The following XYLT1 variants were observed in gnomAD, a reference collection of about 807,000 sequenced individuals.
XYLT1 encodes the protein beta-D-xylosyltransferase 1.
Under a neutral mutation model 91.3 loss-of-function variants are expected in XYLT1, and 36 were observed. The observed-to-expected ratio is 0.39, with a 90% CI of 0.30 to 0.52. The LOEUF (loss-of-function observed/expected upper bound fraction) is 0.52, where lower values mean the gene tolerates loss of function less well. Ranked by LOEUF, XYLT1 falls within the 20% of genes least tolerant of loss-of-function variation. The pLI is 0.68. For synonymous variants in XYLT1, 588 were observed against 532.0 expected (o/e 1.11, Z -1.45); for missense variants, 1,242 against 1,284.5 (o/e 0.97, Z 0.51).
At chr16:17,381,102 G>T (rs1182491444) in intron 1 of XYLT1, among the ~76,000 whole-genome samples, 1 of 152,068 alleles carries the variant, frequency 6.6e-6, no homozygotes, top group Admixed American at 6.5e-5. Flanking sequence ...AATCGCTAAT[G>T]TTTGAAACTC....
At chr16:17,216,836 T>C (rs1394888763) in intron 3 of XYLT1, among the ~76,000 whole-genome samples, 1 of 152,226 alleles carries the variant, frequency 6.6e-6, no homozygotes, top group African/African-American at 2.4e-5. Context: ...TCTTGAAATA[T>C]AAGGACTACA....
At chr16:17,162,086 G>A (rs1050825205) in intron 5 of XYLT1, among the ~76,000 whole-genome samples, 1 of 152,076 alleles carries the variant, frequency 6.6e-6, no homozygotes, top group Non-Finnish European at 1.5e-5. Flanking sequence ...ACATTTTATT[G>A]CATTTGATAG....
intron 5 of XYLT1, among the ~76,000 whole-genome samples, chr16:17,191,427 T>C (rs980454440): frequency 6.6e-6 from 1 of 152,236 alleles, no homozygotes; most frequent in African/African-American, 2.4e-5. Flanking sequence ...GGATCTGTGC[T>C]GAACATTATC....
chr16:17,401,692 G>A (rs954159904), intron 1 of XYLT1, among the ~76,000 whole-genome samples: 3 of 151,838 alleles, frequency 2.0e-5, no homozygotes, highest in Non-Finnish European at 2.9e-5. Flanking sequence ...TCAATGAAGG[G>A]TTAGTGGCTA....
At chr16:17,123,734 TTC>T (rs1380465451) in intron 10 of XYLT1, among the ~76,000 whole-genome samples, 7 of 152,256 alleles carry the variant, frequency 4.6e-5, no homozygotes, top group Admixed American at 2.6e-4. Context: ...TTTATTGACT[TTC>T]TGTCTTGATG....
In XYLT1 at chr16:17,104,839, GT is replaced by G. The variant is rs2141472125; in HGVS notation, c.*3855del. The stretch of plus-strand genomic sequence containing the variant: ...TCACGTGCATGCCAGTAAGACCACA[GT>G]CCCCATCCTTGCCCCCACCATGCCC... On this transcript the variant is annotated 3_prime_UTR_variant, in exon 12 of 12. Coordinates refer to ENST00000261381, the MANE Select transcript of XYLT1 (RefSeq NM_022166.4). 6.6e-6 allele frequency: 1 copy of G among 152,302 alleles called. No homozygotes were observed. The highest frequency in any genetic ancestry group is 1.9e-4 in the East Asian group (1 of 5,176). The allele number at this position is 152,302 out of a possible 1,614,324, so 9.4% of individuals were successfully genotyped here.
At chr16:17,405,872 G>A (rs950187939) in intron 1 of XYLT1, among the ~76,000 whole-genome samples, 1 of 152,162 alleles carries the variant, frequency 6.6e-6, no homozygotes, top group African/African-American at 2.4e-5. Context: ...CCATACAGAG[G>A]GGGGATGAAA....
At chr16:17,143,894 GTCATCATCACCA>G (rs1468276188) in intron 6 of XYLT1, among the ~76,000 whole-genome samples, 1 of 146,726 alleles carries the variant, frequency 6.8e-6, no homozygotes, top group Non-Finnish European at 1.5e-5. Flanking sequence ...CACCACCATC[GTCATCATCACCA>G]TCATCGTCAC....
At chr16:17,280,030 C>T (rs1176537991) in intron 2 of XYLT1, among the ~76,000 whole-genome samples, 1 of 152,222 alleles carries the variant, frequency 6.6e-6, no homozygotes, top group Non-Finnish European at 1.5e-5. Context: ...CTGCAATCAA[C>T]ATCCTGCCCA....
chr16:17,232,207 A>G (rs1039634011), intron 3 of XYLT1, among the ~76,000 whole-genome samples: 2 of 138,802 alleles, frequency 1.4e-5, no homozygotes, highest in African/African-American at 5.4e-5. Flanking sequence ...TATATAATAT[A>G]TATTATATAT....
intron 2 of XYLT1, among the ~76,000 whole-genome samples, chr16:17,338,900 C>T (rs902366899): frequency 5.3e-5 from 8 of 152,314 alleles, no homozygotes; most frequent in African/African-American, 1.9e-4. Flanking sequence ...AACAGCTCCT[C>T]CAGGAAGCCT....
chr16:17,444,122 T>C (rs1325738302), intron 1 of XYLT1, among the ~76,000 whole-genome samples: 1 of 152,184 alleles, frequency 6.6e-6, no homozygotes, highest in African/African-American at 2.4e-5. Flanking sequence ...GTCCTCATAA[T>C]GTTTCCTCTT....
At chr16:17,361,647 CA>C (rs749242306) in intron 1 of XYLT1, among the ~76,000 whole-genome samples, 29 of 152,194 alleles carry the variant, frequency 1.9e-4, no homozygotes, top group Admixed American at 1.3e-4. Flanking sequence ...AAGTGACCAT[CA>C]GGATCTTGCA....
At chr16:17,209,383 A>C (rs1431686302) in intron 3 of XYLT1, among the ~76,000 whole-genome samples, 1 of 152,222 alleles carries the variant, frequency 6.6e-6, no homozygotes, top group Admixed American at 6.5e-5. Context: ...CATATAGCAC[A>C]ATTGATCCAC....
chr16:17,244,643 C>CCGTT (rs1351541512), intron 3 of XYLT1, among the ~76,000 whole-genome samples: 4 of 152,166 alleles, frequency 2.6e-5, no homozygotes, highest in Non-Finnish European at 5.9e-5. Flanking sequence ...CCTGGGGCAT[C>CCGTT]CGTTGTAGGT....
At chr16:17,311,797 TCATGGTGGAAGGCAAAAGGCACGTCTTA>T (rs1160876377) in intron 2 of XYLT1, among the ~76,000 whole-genome samples, 1 of 92,664 alleles carries the variant, frequency 1.1e-5, no homozygotes, top group Non-Finnish European at 2.7e-5. Context: ...GGCCGCACAA[TCATGGTGGAAGGCAAAAGGCACGTCTTA>T]CATGGCAGCA....
rs1966768814 is a variant in XYLT1 at position 17,106,000 on chromosome 16, A to G, written c.*2695T>C. Reference sequence around the variant, plus strand: ...CTGGTCTATTAATTAATAACATCAGAGAAGGGAGAGGAATACCCTGTGTGA... The same window carrying G: ...CTGGTCTATTAATTAATAACATCAGGGAAGGGAGAGGAATACCCTGTGTGA... On this transcript the variant is annotated 3_prime_UTR_variant, in exon 12 of 12. Coordinates refer to ENST00000261381, the MANE Select transcript of XYLT1 (RefSeq NM_022166.4). The G allele has an allele frequency of 6.6e-6, 1 of 152,174 alleles. No homozygotes were observed. Among genetic ancestry groups the G allele is most frequent in the South Asian group, 2.1e-4 (1 of 4,832 alleles). The allele number at this position is 152,174 out of a possible 1,614,324, so 9.4% of individuals were successfully genotyped here.
chr16:17,166,127 C>T (rs529288808), intron 5 of XYLT1, among the ~76,000 whole-genome samples: 11 of 152,288 alleles, frequency 7.2e-5, no homozygotes, highest in South Asian at 2.1e-4. Flanking sequence ...CAACCACCAG[C>T]GGACCCTGGA....
chr16:17,215,013 T>C (rs9921318), intron 3 of XYLT1, among the ~76,000 whole-genome samples: 113,664 of 152,048 alleles, frequency 0.75, 42,795 homozygotes, highest in East Asian at 0.93. Context: ...AGGCCTAGCC[T>C]CTCCTGTGAC....
Sources: allele counts gnomAD v4.1 joint callset (sites outside exome capture counted in the v4.1 genomes callset), GRCh38; gene constraint gnomAD v4.1.1; transcripts MANE v1.5; gene names NCBI Gene and HGNC (gene_info 2026-07-23, HGNC 2026-07-21).